CDC42BPG: variants seen among roughly 807,000 people sequenced by gnomAD.
CDC42BPG encodes CDC42 binding protein kinase gamma.
CDC42BPG carries 157 observed loss-of-function variants against 192.2 expected under a neutral mutation model. That is an observed-to-expected ratio of 0.82 (90% CI 0.72 to 0.93). The LOEUF (loss-of-function observed/expected upper bound fraction) is 0.93. Ranked by LOEUF, CDC42BPG falls within the 40% of genes least tolerant of loss-of-function variation. The probability of loss-of-function intolerance (pLI) is 0.00; values close to 1 mark genes in which losing one functional copy is unlikely to be tolerated. For synonymous variants in CDC42BPG, 981 were observed against 918.5 expected (o/e 1.07, Z -1.23); for missense variants, 1,992 against 2,122.1 (o/e 0.94, Z 1.20).
Position 64,827,050 on chromosome 11 carries a change from C to G in CDC42BPG, c.4389G>C (p.Pro1463=). 1 of 1,600,974 alleles carries G rather than the reference C, an allele frequency of 6.2e-7. No individual in the cohort carries two copies. The highest frequency in any genetic ancestry group is 2.2e-5 in the East Asian group (1 of 44,804). ...NGRPGARDKS[P]APEEKGRVAR... The stretch of plus-strand genomic sequence containing the variant: ...TTGTGATTGGCTCCAGAGGACTAAC[C>G]GGGGACTTGTCCCTGGCGCCGGGCC... The change falls in exon 34 of 37, where the codon CCG becomes CCC. Residue 1463 remains proline (P), a splice_region_variant and synonymous_variant. Coordinates refer to ENST00000342711, the MANE Select transcript of CDC42BPG (RefSeq NM_017525.3).
chr11:64,836,718 GGGGGT>G lies in CDC42BPG; in HGVS notation c.1384+16_1384+20del, dbSNP rs768802528. The stretch of plus-strand genomic sequence containing the variant: ...TGGGACTCAGCCCTGGGGGGGGGGG[GGGGGT>G]GGGCGGAAGGGATACCTGGCAGCCT... On this transcript the variant is annotated intron_variant, in intron 11 of 36. Transcript: ENST00000342711. The G allele has an allele frequency of 7.1e-6, 6 of 849,654 alleles. No individual in the cohort carries two copies. The highest frequency in any genetic ancestry group is 2.9e-5 in the East Asian group (1 of 34,036). The allele number at this position is 849,654 out of a possible 1,614,324, so 52.6% of individuals were successfully genotyped here.
At position 64,827,080 on chromosome 11, in the gene CDC42BPG, G is replaced by C; in HGVS notation, c.4359C>G (p.Asn1453Lys). The change falls in exon 34 of 37, where the codon AAC (asparagine) becomes AAG (lysine). Residue 1453 changes from asparagine (N) to lysine (K), a missense_variant. Physicochemically the swap from Asn to Lys is moderately conservative, Grantham distance 94. Around this residue, in one of 2 missense-constraint regions of CDC42BPG, gnomAD observed 336 missense variants for 277.9 expected, o/e 1.21. Coordinates refer to ENST00000342711, the MANE Select transcript of CDC42BPG (RefSeq NM_017525.3). ...FNHLVHVGPA[N>K]GRPGARDKSP... ...ACTTGTCCCTGGCGCCGGGCCGCCC[G>C]TTGGCAGGGCCCACGTGTACTAGGT... is the stretch of plus-strand genomic sequence containing the variant. 1 of 1,613,240 alleles carries C rather than the reference G, an allele frequency of 6.2e-7. No individual in the cohort carries two copies. Among genetic ancestry groups the C allele is most frequent in the Non-Finnish European group, 8.5e-7 (1 of 1,179,256 alleles).
At position 64,823,998 on chromosome 11, in the gene CDC42BPG, C is replaced by T. The variant is rs1189603795; in HGVS notation, c.*475G>A. 1 of 183,156 alleles carries T rather than the reference C, an allele frequency of 5.5e-6. No individual in the cohort carries two copies. Among genetic ancestry groups the T allele is most frequent in the African/African-American group, 2.4e-5 (1 of 41,628 alleles). The allele number at this position is 183,156 out of a possible 1,614,324, so 11.3% of individuals were successfully genotyped here. A position where few individuals can be genotyped will look rare whatever the true frequency, so the allele number is the denominator to read the frequency against. ...TTTCCCTCCTTCTCTATCTTCCCTT[C>T]TTCTGGATCACAGCCTGTTTTTCTC... On this transcript the variant is annotated 3_prime_UTR_variant, in exon 37 of 37. Transcript: ENST00000342711.
Position 64,836,109 on chromosome 11 carries a change from T to C in CDC42BPG, c.1668+8A>G. On this transcript the variant is annotated splice_region_variant and intron_variant, in intron 13 of 36. Coordinates refer to ENST00000342711, the MANE Select transcript of CDC42BPG (RefSeq NM_017525.3). ...CAGGTGCTGTCCCTACCCACCCTGG[T>C]CACTCACCTCCCTCTGGGCAGCCCG... 2 of 1,594,508 alleles carry C rather than the reference T, an allele frequency of 1.3e-6. No homozygotes were observed. The highest frequency in any genetic ancestry group is 1.7e-6 in the Non-Finnish European group (2 of 1,172,556).
At chr11:64,824,660 G>A (rs1227699222) in intron 36 of CDC42BPG, 131 bp from the exon 37 acceptor site, 2 of 629,580 alleles carry the variant, frequency 3.2e-6, no homozygotes, top group Middle Eastern at 2.6e-4. Flanking sequence ...GAAGCCAGAT[G>A]TGAGGTGAGG....
intron 28 of CDC42BPG, among the ~76,000 whole-genome samples, chr11:64,830,844 G>A (rs1942651337): frequency 6.6e-6 from 1 of 152,220 alleles, no homozygotes; most frequent in Non-Finnish European, 1.5e-5. Flanking sequence ...TGAGGCTCTG[G>A]GTGGTTCTAC....
In CDC42BPG at chr11:64,827,674, G is replaced by C. The variant is rs1942498728; in HGVS notation, c.4065+12C>G. On this transcript the variant is annotated intron_variant, in intron 31 of 36. Transcript: ENST00000342711. ...CCCCCGGCGCTACCCCAGGGCTCTG[G>C]CGGACCCTCACCTTCTTGAGCGGCA... 1 of 1,608,590 alleles carries C rather than the reference G, an allele frequency of 6.2e-7. No homozygotes were observed. Among genetic ancestry groups the C allele is most frequent in the Non-Finnish European group, 8.5e-7 (1 of 1,176,232 alleles).
At chr11:64,840,432 TG>T in intron 4 of CDC42BPG, 120 bp downstream of exon 4, 1 of 1,373,154 alleles carries the variant, frequency 7.3e-7, no homozygotes, top group Non-Finnish European at 1.0e-6. Context: ...CAGGAACTGG[TG>T]GGAAGTGGGA....
rs1480281222 is a variant in CDC42BPG, at chr11:64,836,304, G to A, written c.1489-8C>T. 6.8e-6 allele frequency: 11 copies of A among 1,608,052 alleles called. No individual in the cohort carries two copies. Among genetic ancestry groups the A allele is most frequent in the Non-Finnish European group, 9.3e-6 (11 of 1,178,132 alleles). On this transcript the variant is annotated splice_region_variant and splice_polypyrimidine_tract_variant and intron_variant, in intron 12 of 36. Transcript: ENST00000342711. ...CCGACCCTCGGCCAGCTCCTGAGGA[G>A]GCAGGGGAGGGAGCGGGGAAGGACA... is the stretch of plus-strand genomic sequence containing the variant.
At chr11:64,839,442 G>C (rs2136382602) in intron 6 of CDC42BPG, 36 bp downstream of exon 6, 1 of 825,366 alleles carries the variant, frequency 1.2e-6, no homozygotes, top group Non-Finnish European at 1.9e-6. Flanking sequence ...GGCCCGCCTT[G>C]TATCCCCTGC....
chr11:64,839,613 G>A lies in CDC42BPG; in HGVS notation c.582-42C>T, dbSNP rs757243070. ...AGGGAGAGTGAGGCGTTTGACCTGTGTGTAAGTGGCCATTTAGGCACACGC... is the reference window on the plus strand; with the variant it reads ...AGGGAGAGTGAGGCGTTTGACCTGTATGTAAGTGGCCATTTAGGCACACGC... On this transcript the variant is annotated intron_variant, in intron 5 of 36. Transcript: ENST00000342711. 2.3e-5 allele frequency: 36 copies of A among 1,552,324 alleles called. No homozygotes were observed. In the African/African-American group the frequency reaches 4.2e-4, roughly 18 times the overall value.
intron 1 of CDC42BPG, among the ~76,000 whole-genome samples, 169 bp downstream of exon 1, chr11:64,844,241 G>A (rs549796361): frequency 3.1e-4 from 47 of 152,076 alleles, no homozygotes; most frequent in Non-Finnish European, 5.6e-4. Context: ...GAGGTGTGCA[G>A]GCGAGTGTGC....
At position 64,844,391 on chromosome 11, in the gene CDC42BPG, G is replaced by C; in HGVS notation, c.160+19C>G. On this transcript the variant is annotated intron_variant, in intron 1 of 36. Coordinates refer to ENST00000342711, the MANE Select transcript of CDC42BPG (RefSeq NM_017525.3). ...ATATCCCTAGGCCCGCCCCCGCTCC[G>C]TGCCGCCCCGCCACTCACCCCAGCT... is the stretch of plus-strand genomic sequence containing the variant. 1 of 1,396,982 alleles carries C rather than the reference G, an allele frequency of 7.2e-7. No homozygotes were observed. Among genetic ancestry groups the C allele is most frequent in the Non-Finnish European group, 9.3e-7 (1 of 1,077,362 alleles). The allele number at this position is 1,396,982 out of a possible 1,614,324, so 86.5% of individuals were successfully genotyped here.
chr11:64,834,862 G>C lies in CDC42BPG; in HGVS notation c.2162C>G (p.Pro721Arg), dbSNP rs1942898250. 6.2e-7 allele frequency: 1 copy of C among 1,613,162 alleles called. No homozygotes were observed. The highest frequency in any genetic ancestry group is 8.5e-7 in the Non-Finnish European group (1 of 1,179,860). ...TCTGGGGCTCACCAGTGGCCGGGCA[G>C]GGAGCGTCTGGGTGCCTACGTTCCT... ...SLRNVGTQTL[P>R]ARPLDHQWKA... Residue 721 changes from proline to arginine, a missense_variant, in exon 18 of 37, where the codon CCT becomes CGT. Pro to Arg is a moderately radical substitution (Grantham distance 103). Coordinates refer to ENST00000342711, the MANE Select transcript of CDC42BPG (RefSeq NM_017525.3).
intron 19 of CDC42BPG, 22 bp from the exon 20 acceptor site, chr11:64,834,376 C>A: frequency 6.4e-7 from 1 of 1,561,360 alleles, no homozygotes; most frequent in Admixed American, 1.9e-5. Context: ...GGCAAGGGCT[C>A]GCCACTGGCC....
chr11:64,836,716 G>GGGGA, intron 11 of CDC42BPG, 23 bp downstream of exon 11: 2 of 869,300 alleles, frequency 2.3e-6, no homozygotes, highest in Non-Finnish European at 3.3e-6. Flanking sequence ...TGGGGGGGGG[G>GGGGA]GGGGGGTGGG....
Position 64,833,848 on chromosome 11 carries a change from A to G in CDC42BPG, c.2467-12T>C. On this transcript the variant is annotated splice_polypyrimidine_tract_variant and intron_variant, in intron 21 of 36. Coordinates refer to ENST00000342711, the MANE Select transcript of CDC42BPG (RefSeq NM_017525.3). ...TTGGCAGAATCCTTCTGGGGGTGGG[A>G]GAGAGAGGAGCAAAGTCAAGGTCCC... is the stretch of plus-strand genomic sequence containing the variant. 13 of 1,614,162 alleles carry G rather than the reference A, an allele frequency of 8.1e-6. No homozygotes were observed. The highest frequency in any genetic ancestry group is 1.1e-5 in the South Asian group (1 of 91,078).
chr11:64,825,886 T>C (rs2136237098), intron 36 of CDC42BPG, among the ~76,000 whole-genome samples: 1 of 152,048 alleles, frequency 6.6e-6, no homozygotes, highest in Admixed American at 6.5e-5. Context: ...GCCAACATAA[T>C]GAAACCCCAT....
At position 64,838,166 on chromosome 11, in the gene CDC42BPG, C is replaced by T; in HGVS notation, c.1126-4G>A. ...GGGAGGGCGGTGGCAGGGTCCCCTGCAGAGGGAGAGGGAAGGAGAGTCAGA... is the reference window on the plus strand; with the variant it reads ...GGGAGGGCGGTGGCAGGGTCCCCTGTAGAGGGAGAGGGAAGGAGAGTCAGA... On this transcript the variant is annotated splice_region_variant and splice_polypyrimidine_tract_variant and intron_variant, in intron 8 of 36. Transcript: ENST00000342711. 1.3e-6 allele frequency: 2 copies of T among 1,550,454 alleles called. No homozygotes were observed. Among genetic ancestry groups the T allele is most frequent in the South Asian group, 1.2e-5 (1 of 84,016 alleles).
Sources: gnomAD v4.1 joint callset for allele counts (sites outside exome capture counted in the v4.1 genomes callset) on GRCh38, gnomAD v4.1.1 for gene constraint, gnomAD v4.1.1 regional missense constraint, MANE v1.5 for transcripts, NCBI Gene and HGNC (gene_info 2026-07-23, HGNC 2026-07-21) for gene names.